Variants in PPARG observed in about 807,000 individuals in gnomAD.
The protein encoded by PPARG is peroxisome proliferator-activated receptor gamma.
A neutral mutation model predicts 39.2 loss-of-function variants in PPARG; 17 were observed. That is an observed-to-expected ratio of 0.43 (90% CI 0.30 to 0.65). The LOEUF (loss-of-function observed/expected upper bound fraction) is 0.65. Among genes scored for constraint, PPARG ranks in the 30% least tolerant of loss-of-function variants. The probability of loss-of-function intolerance (pLI) is 0.13; values close to 1 mark genes in which losing one functional copy is unlikely to be tolerated. For synonymous variants in PPARG, 223 were observed against 215.7 expected (o/e 1.03, Z -0.30); for missense variants, 406 against 585.9 (o/e 0.69, Z 3.17).
intron 2 of PPARG, among the ~76,000 whole-genome samples, chr3:12,331,102 A>C (rs1486013044): frequency 6.6e-6 from 1 of 152,196 alleles, no homozygotes; most frequent in Non-Finnish European, 1.5e-5. Flanking sequence ...AGCTTTTCTC[A>C]GTGTTCTTTG....
At chr3:12,327,954 G>A in intron 2 of PPARG, 2 of 724,872 alleles carry the variant, frequency 2.8e-6, no homozygotes, top group Non-Finnish European at 4.9e-6. Context: ...TGTATGGAAA[G>A]GTAAAATGGG....
At chr3:12,418,586 T>C (rs2051156681) in intron 7 of PPARG, among the ~76,000 whole-genome samples, 1 of 152,256 alleles carries the variant, frequency 6.6e-6, no homozygotes, top group South Asian at 2.1e-4. Context: ...ATACTTGCTG[T>C]GTGCCAGGCA....
chr3:12,373,635 A>G (rs2049300251), intron 2 of PPARG, among the ~76,000 whole-genome samples: 1 of 152,150 alleles, frequency 6.6e-6, no homozygotes, highest in African/African-American at 2.4e-5. Context: ...TGCATAAAAT[A>G]TGATCATCAA....
At chr3:12,389,925 G>A (rs112744357) in intron 4 of PPARG, among the ~76,000 whole-genome samples, 1 of 151,854 alleles carries the variant, frequency 6.6e-6, no homozygotes, top group Non-Finnish European at 1.5e-5. Flanking sequence ...AACAAAAAGA[G>A]TGAAATGAAA....
intron 2 of PPARG, among the ~76,000 whole-genome samples, chr3:12,334,550 T>C (rs1258136461): frequency 6.6e-6 from 1 of 152,176 alleles, no homozygotes; most frequent in African/African-American, 2.4e-5. Flanking sequence ...GTTAAATTTT[T>C]AAGTTTAGAG....
intron 1 of PPARG, among the ~76,000 whole-genome samples, chr3:12,302,899 G>A (rs1468743678): frequency 1.3e-5 from 2 of 152,178 alleles, no homozygotes; most frequent in Admixed American, 1.3e-4. Flanking sequence ...GCCTGTAAGA[G>A]TGAAGTGGAA....
At chr3:12,419,187 C>T (rs142880568) in intron 7 of PPARG, among the ~76,000 whole-genome samples, 390 of 152,126 alleles carry the variant, frequency 2.6e-3, no homozygotes, top group East Asian at 0.016. Flanking sequence ...TCAGGTGATC[C>T]GCCTGCCTCG....
chr3:12,325,852 G>A (rs924112303), intron 2 of PPARG, among the ~76,000 whole-genome samples: 2 of 151,708 alleles, frequency 1.3e-5, no homozygotes, highest in African/African-American at 4.8e-5. Flanking sequence ...GGAAATCATA[G>A]GATTTTCAAA....
At chr3:12,375,039 C>T (rs190070052) in intron 2 of PPARG, among the ~76,000 whole-genome samples, 20 of 152,136 alleles carry the variant, frequency 1.3e-4, no homozygotes, top group Admixed American at 1.2e-3. Flanking sequence ...AAAATTTTCC[C>T]AAAATTTCCA....
intron 2 of PPARG, among the ~76,000 whole-genome samples, chr3:12,359,764 C>G (rs1238963526): frequency 2.0e-5 from 3 of 150,434 alleles, no homozygotes; most frequent in Non-Finnish European, 4.4e-5. Context: ...AACCTCTGCC[C>G]CCTGGGTTCA....
intron 1 of PPARG, among the ~76,000 whole-genome samples, chr3:12,290,204 C>T (rs1437954861): frequency 6.6e-6 from 1 of 151,802 alleles, no homozygotes; most frequent in Admixed American, 6.6e-5. Context: ...AAATCAAAAA[C>T]TTTTTTCATA....
chr3:12,375,985 T>C (rs1020240809), intron 2 of PPARG, among the ~76,000 whole-genome samples: 2 of 151,970 alleles, frequency 1.3e-5, no homozygotes, highest in Non-Finnish European at 2.9e-5. Flanking sequence ...GTTTCACTCT[T>C]GTTGCCCAGG....
intron 4 of PPARG, among the ~76,000 whole-genome samples, chr3:12,381,714 T>G (rs1432195642): frequency 6.8e-6 from 1 of 146,526 alleles, no homozygotes; most frequent in Non-Finnish European, 1.5e-5. Context: ...AAGGATGATA[T>G]AAGATTTGAA....
At chr3:12,398,966 G>A (rs891487814) in intron 5 of PPARG, among the ~76,000 whole-genome samples, 1 of 152,160 alleles carries the variant, frequency 6.6e-6, no homozygotes, top group African/African-American at 2.4e-5. Context: ...TTAAAGAGGA[G>A]GTAATAGTAG....
At chr3:12,351,166 A>G (rs2048474643) in intron 2 of PPARG, among the ~76,000 whole-genome samples, 1 of 152,246 alleles carries the variant, frequency 6.6e-6, no homozygotes, top group African/African-American at 2.4e-5. Context: ...TAAGTTTTCC[A>G]TTTAAGAAGC....
chr3:12,429,461 T>C (rs1254956125), intron 7 of PPARG, among the ~76,000 whole-genome samples: 1 of 150,014 alleles, frequency 6.7e-6, no homozygotes, highest in East Asian at 1.9e-4. Context: ...CTCCCGCTTG[T>C]CATCCCAGCA....
chr3:12,390,921 G>T (rs2050054982), intron 4 of PPARG, among the ~76,000 whole-genome samples: 1 of 152,066 alleles, frequency 6.6e-6, no homozygotes, highest in Admixed American at 6.6e-5. Flanking sequence ...AAAGTGTTGG[G>T]ATTACAGGTG....
chr3:12,365,590 T>G (rs1416787812), intron 2 of PPARG, among the ~76,000 whole-genome samples: 1 of 151,846 alleles, frequency 6.6e-6, no homozygotes, highest in African/African-American at 2.4e-5. Flanking sequence ...ATTATTATTA[T>G]TATTGTTATT....
Position 12,434,280 on chromosome 3 carries a change from G to A in PPARG, c.*135G>A. On this transcript the variant is annotated 3_prime_UTR_variant, in exon 8 of 8. Coordinates refer to ENST00000651735, the MANE Select transcript of PPARG (RefSeq NM_138711.6). The surrounding 1 kb of genome is among the most constrained non-coding windows in gnomAD (Gnocchi z 4.2). ...GGTTTTAGAATATGATCTATTTTATGCATATTGTTTATAAAGACACATTTA... is the reference window on the plus strand; with the variant it reads ...GGTTTTAGAATATGATCTATTTTATACATATTGTTTATAAAGACACATTTA... The A allele has an allele frequency of 6.1e-6, 7 of 1,141,950 alleles. No homozygotes were observed. The highest frequency in any genetic ancestry group is 8.9e-6 in the Non-Finnish European group (7 of 790,666). 70.7% of individuals were successfully genotyped at this position (1,141,950 alleles called of 1,614,324 possible).
Sources: gnomAD v4.1 joint callset for allele counts (sites outside exome capture counted in the v4.1 genomes callset) on GRCh38, gnomAD v4.1.1 for gene constraint, Gnocchi (gnomAD v3.1) non-coding constraint, MANE v1.5 for transcripts, NCBI Gene and HGNC (gene_info 2026-07-23, HGNC 2026-07-21) for gene names.